MCTP1: variants seen among roughly 807,000 people sequenced by gnomAD.
MCTP1 encodes multiple C2 and transmembrane domain-containing protein 1.
Under a neutral mutation model 120.6 loss-of-function variants are expected in MCTP1, and 69 were observed. The observed-to-expected ratio is 0.57, with a 90% CI of 0.47 to 0.70. The LOEUF (loss-of-function observed/expected upper bound fraction) is 0.70. Ranked by LOEUF, MCTP1 falls within the 30% of genes least tolerant of loss-of-function variation. The pLI is 0.00. For synonymous variants in MCTP1, 529 were observed against 493.1 expected, an observed-to-expected ratio of 1.07 and a Z score of -0.96; for missense variants, 1,203 against 1,248.8, an observed-to-expected ratio of 0.96 and a Z score of 0.55.
intron 1 of MCTP1, among the ~76,000 whole-genome samples, chr5:95,020,295 C>T (rs1431982824): frequency 6.6e-6 from 1 of 151,984 alleles, no homozygotes; most frequent in Non-Finnish European, 1.5e-5. Flanking sequence ...ACTTTATGTG[C>T]AGGTTAAGGA....
chr5:95,171,257 G>T (rs1490727258), intron 1 of MCTP1, among the ~76,000 whole-genome samples: 1 of 152,172 alleles, frequency 6.6e-6, no homozygotes, highest in East Asian at 1.9e-4. Context: ...CTTCTGGCTT[G>T]TAGAGTTTCT....
chr5:95,202,074 G>C (rs1274368673), intron 1 of MCTP1, among the ~76,000 whole-genome samples: 4 of 152,144 alleles, frequency 2.6e-5, no homozygotes, highest in African/African-American at 9.7e-5. Flanking sequence ...GGTTCTAGAG[G>C]AGACTGGTAA....
At chr5:94,759,266 C>A (rs952909582) in intron 19 of MCTP1, among the ~76,000 whole-genome samples, 1 of 152,096 alleles carries the variant, frequency 6.6e-6, no homozygotes. Flanking sequence ...GTTCTGGATA[C>A]CAGGTGTGTA....
chr5:95,194,023 C>T (rs1032821826), intron 1 of MCTP1, among the ~76,000 whole-genome samples: 1 of 151,864 alleles, frequency 6.6e-6, no homozygotes, highest in Non-Finnish European at 1.5e-5. Context: ...CCAGCCTGGG[C>T]AACAAAGCAA....
intron 1 of MCTP1, among the ~76,000 whole-genome samples, chr5:95,193,502 T>G (rs1750048894): frequency 6.6e-6 from 1 of 152,192 alleles, no homozygotes; most frequent in Non-Finnish European, 1.5e-5. Context: ...TAAAACAGCC[T>G]GATTAAGATA....
intron 1 of MCTP1, among the ~76,000 whole-genome samples, chr5:95,243,496 T>G (rs1047309786): frequency 1.3e-5 from 2 of 151,980 alleles, no homozygotes; most frequent in Non-Finnish European, 2.9e-5. Flanking sequence ...AGAAATAAGA[T>G]AGGTAGGAGC....
chr5:94,837,763 T>G (rs966283239), intron 17 of MCTP1, among the ~76,000 whole-genome samples: 2 of 152,176 alleles, frequency 1.3e-5, no homozygotes, highest in Non-Finnish European at 2.9e-5. Context: ...ACGGGGGCGC[T>G]GGTTAATTGA....
At chr5:95,273,605 C>T (rs1310466389) in intron 1 of MCTP1, among the ~76,000 whole-genome samples, 3 of 152,308 alleles carry the variant, frequency 2.0e-5, no homozygotes, top group Non-Finnish European at 1.5e-5. Context: ...TCTATTAACA[C>T]TCACTACTTT....
At chr5:95,167,530 G>A (rs1262992469) in intron 1 of MCTP1, among the ~76,000 whole-genome samples, 1 of 152,204 alleles carries the variant, frequency 6.6e-6, no homozygotes, top group African/African-American at 2.4e-5. Flanking sequence ...CACCAACAGT[G>A]TAAAAGTGTT....
intron 3 of MCTP1, among the ~76,000 whole-genome samples, chr5:94,944,467 T>C (rs1160213529): frequency 1.3e-5 from 2 of 152,170 alleles, no homozygotes; most frequent in African/African-American, 4.8e-5. Flanking sequence ...GAAATTTCTC[T>C]TGTGGAATCT....
At chr5:94,757,321 A>G (rs1457895079) in intron 19 of MCTP1, among the ~76,000 whole-genome samples, 5 of 152,238 alleles carry the variant, frequency 3.3e-5, no homozygotes, top group Admixed American at 6.5e-5. Context: ...AGAACATTTC[A>G]TATAGATACC....
At chr5:95,066,339 CAA>C (rs1750653926) in intron 1 of MCTP1, among the ~76,000 whole-genome samples, 1 of 152,058 alleles carries the variant, frequency 6.6e-6, no homozygotes, top group Non-Finnish European at 1.5e-5. Context: ...ACCAAAAAGA[CAA>C]GAGATAACTA....
At chr5:95,067,211 C>T (rs1404148991) in intron 1 of MCTP1, among the ~76,000 whole-genome samples, 2 of 152,088 alleles carry the variant, frequency 1.3e-5, no homozygotes, top group Non-Finnish European at 2.9e-5. Flanking sequence ...TTCTGGAATT[C>T]TATTGCACAG....
intron 1 of MCTP1, among the ~76,000 whole-genome samples, chr5:95,152,541 C>T (rs1331415612): frequency 6.6e-6 from 1 of 152,134 alleles, no homozygotes; most frequent in East Asian, 1.9e-4. Flanking sequence ...ATTCTAGAAA[C>T]TGGATTAAGT....
At chr5:95,164,630 T>C (rs1377795799) in intron 1 of MCTP1, among the ~76,000 whole-genome samples, 2 of 152,198 alleles carry the variant, frequency 1.3e-5, no homozygotes, top group African/African-American at 4.8e-5. Context: ...TTGGAACAGA[T>C]TTATACTAAA....
chr5:95,167,658 A>G (rs1451913376), intron 1 of MCTP1, among the ~76,000 whole-genome samples: 1 of 152,258 alleles, frequency 6.6e-6, no homozygotes, highest in Non-Finnish European at 1.5e-5. Flanking sequence ...TCTGATGGCC[A>G]GTGATGATGA....
In MCTP1 at chr5:94,867,356, G is replaced by A. The variant is rs974036209; in HGVS notation, c.2436+977C>T. The A allele has an allele frequency of 3.9e-6, 6 of 1,532,886 alleles. No individual in the cohort carries two copies. The African/African-American group carries it at 6.9e-5, about 18-fold the overall frequency. The allele number at this position is 1,532,886 out of a possible 1,614,324, so 95.0% of individuals were successfully genotyped here. On this transcript the variant is annotated intron_variant, in intron 17 of 22. Transcript: ENST00000515393. ...AGACACTCTTTGTTCCATGTGCTCA[G>A]ACATTAATGAAAGTCCCATACAAGG...
intron 19 of MCTP1, among the ~76,000 whole-genome samples, chr5:94,778,404 C>T (rs969152310): frequency 2.0e-5 from 3 of 152,030 alleles, no homozygotes; most frequent in African/African-American, 7.2e-5. Flanking sequence ...AGCAGTAGTT[C>T]CAACCCCAGC....
chr5:94,941,591 AC>A (rs1446753773), intron 4 of MCTP1, among the ~76,000 whole-genome samples: 1 of 151,948 alleles, frequency 6.6e-6, no homozygotes. Flanking sequence ...ATCATCCAAA[AC>A]AGCCAGGAAT....
Sources: gnomAD v4.1 joint callset for allele counts (sites outside exome capture counted in the v4.1 genomes callset) on GRCh38, gnomAD v4.1.1 for gene constraint, MANE v1.5 for transcripts, NCBI Gene and HGNC (gene_info 2026-07-23, HGNC 2026-07-21) for gene names.